Variants in FGD4 observed in about 807,000 individuals in gnomAD.
FGD4 encodes the protein FYVE, RhoGEF and PH domain containing 4.
FGD4 carries 42 observed loss-of-function variants against 102.0 expected under a neutral mutation model. The ratio of observed to expected loss-of-function variants is 0.41; its 90% CI spans 0.32 to 0.53. The LOEUF is 0.53. Ranked by LOEUF, FGD4 falls within the 20% of genes least tolerant of loss-of-function variation. The probability of loss-of-function intolerance (pLI) is 0.21; values close to 1 mark genes in which losing one functional copy is unlikely to be tolerated. For synonymous variants in FGD4, 380 were observed against 375.7 expected, an observed-to-expected ratio of 1.01 and a Z score of -0.13; for missense variants, 902 against 1,078.2, an observed-to-expected ratio of 0.84 and a Z score of 2.29.
At chr12:32,400,080 G>A (rs1230584973) in intron 1 of FGD4, 121 bp downstream of exon 1, 1 of 1,336,136 alleles carries the variant, frequency 7.5e-7, no homozygotes, top group Non-Finnish European at 9.7e-7. Flanking sequence ...TGGTTCGGGA[G>A]GTTCATTGTG....
intron 1 of FGD4, among the ~76,000 whole-genome samples, chr12:32,552,456 T>G (rs1240669207): frequency 1.5e-5 from 2 of 134,202 alleles, no homozygotes; most frequent in Admixed American, 7.5e-5. Context: ...TTTTTTTTTT[T>G]TTTGTAGTAG....
At chr12:32,527,019 G>C (rs1445028374) in intron 1 of FGD4, among the ~76,000 whole-genome samples, 1 of 152,050 alleles carries the variant, frequency 6.6e-6, no homozygotes, top group Non-Finnish European at 1.5e-5. Flanking sequence ...ATAGATTAAT[G>C]GTAAAGGGCA....
chr12:32,442,268 T>C (rs1942463978), intron 1 of FGD4, among the ~76,000 whole-genome samples: 2 of 152,110 alleles, frequency 1.3e-5, no homozygotes, highest in African/African-American at 4.8e-5. Context: ...TTAGCCATGA[T>C]GGTCTTGATC....
At chr12:32,496,458 T>C (rs534903884) in intron 1 of FGD4, among the ~76,000 whole-genome samples, 9 of 152,278 alleles carry the variant, frequency 5.9e-5, no homozygotes, top group African/African-American at 1.7e-4. Flanking sequence ...ACAACAAGAG[T>C]TAAAAGTCTT....
chr12:32,482,343 C>A (rs992236212), intron 1 of FGD4, among the ~76,000 whole-genome samples: 1 of 152,026 alleles, frequency 6.6e-6, no homozygotes, highest in Non-Finnish European at 1.5e-5. Context: ...TTTGAATATC[C>A]CATGCTTCTT....
At position 32,625,728 on chromosome 12, in the gene FGD4, AC is replaced by A; in HGVS notation, c.2123del (p.Pro708LeufsTer5). On this transcript the variant is annotated frameshift_variant, in exon 14 of 17. Coordinates refer to ENST00000534526, the MANE Select transcript of FGD4 (RefSeq NM_001370298.3). LOFTEE classifies it high-confidence loss of function. ...TGACAATGTGTATGAAATGTAAAGA[AC>A]CTTTCAATGCACTGACACGAAGGAG... ...EVTMCMKCKE[P>X]FNALTRRRHH... 1 of 1,614,080 alleles carries A rather than the reference AC, an allele frequency of 6.2e-7. No homozygotes were observed. The highest frequency in any genetic ancestry group is 1.1e-5 in the South Asian group (1 of 91,078).
intron 4 of FGD4, among the ~76,000 whole-genome samples, chr12:32,595,947 T>A (rs1333784071): frequency 1.3e-5 from 2 of 152,260 alleles, no homozygotes; most frequent in Admixed American, 6.5e-5. Context: ...AAGGATCTTG[T>A]GTGTAAAGTG....
At chr12:32,509,045 G>A (rs1169430754) in intron 1 of FGD4, among the ~76,000 whole-genome samples, 1 of 152,218 alleles carries the variant, frequency 6.6e-6, no homozygotes, top group Non-Finnish European at 1.5e-5. Flanking sequence ...CTATATGTCA[G>A]AGACTGCAAA....
At chr12:32,409,481 G>C (rs1393171121) in intron 1 of FGD4, among the ~76,000 whole-genome samples, 1 of 151,736 alleles carries the variant, frequency 6.6e-6, no homozygotes, top group Non-Finnish European at 1.5e-5. Context: ...TAGAGACGGG[G>C]TTTCACTGTT....
intron 1 of FGD4, among the ~76,000 whole-genome samples, chr12:32,425,174 A>G (rs989575412): frequency 6.6e-6 from 1 of 152,186 alleles, no homozygotes; most frequent in African/African-American, 2.4e-5. Flanking sequence ...GGTATTGCTT[A>G]GGTTTTCTTC....
chr12:32,627,162 CT>C (rs201386572), intron 14 of FGD4, among the ~76,000 whole-genome samples: 9 of 136,472 alleles, frequency 6.6e-5, no homozygotes, highest in East Asian at 2.3e-4. Flanking sequence ...CATTTTTTTT[CT>C]TTTTTTTTTG....
chr12:32,470,457 CTTTTTCTTTTTTTTTTT>C lies in FGD4; in HGVS notation c.166+70504_166+70520del, dbSNP rs528593820. Among the ~76,000 whole-genome samples the C allele has an allele frequency of 2.5e-3, 355 of 144,606 alleles. 2 individuals carry two copies. Among genetic ancestry groups the C allele is most frequent in the Non-Finnish European group, 2.2e-3 (145 of 65,740 alleles). 94.9% of individuals were successfully genotyped at this position (144,606 alleles called of 152,430 possible). On this transcript the variant is annotated intron_variant, in intron 1 of 16. Coordinates refer to ENST00000534526, the MANE Select transcript of FGD4 (RefSeq NM_001370298.3). ...TGACTGCTTCGAAGTTTTCTTTTTT[CTTTTTCTTTTTTTTTTT>C]TTTTTTTGAGTTGCAGTCTTGCTCT...
chr12:32,619,622 ACT>A lies in FGD4; in HGVS notation c.1750-73_1750-72del, dbSNP rs921854257. On this transcript the variant is annotated intron_variant, in intron 10 of 16. Coordinates refer to ENST00000534526, the MANE Select transcript of FGD4 (RefSeq NM_001370298.3). Reference sequence around the variant, plus strand: ...ACTCCAGCCTGGGCAACAGAGTGAGACTCTGTCTCAAAAAAAAACCTGATCAG... The same window carrying A: ...ACTCCAGCCTGGGCAACAGAGTGAGACTGTCTCAAAAAAAAACCTGATCAG... 3 of 1,521,094 alleles carry A rather than the reference ACT, an allele frequency of 2.0e-6. No individual in the cohort carries two copies. In the African/African-American group the frequency reaches 4.1e-5, roughly 21 times the overall value. The allele number at this position is 1,521,094 out of a possible 1,614,324, so 94.2% of individuals were successfully genotyped here.
chr12:32,518,816 A>C (rs901762861), intron 1 of FGD4, among the ~76,000 whole-genome samples: 30 of 148,172 alleles, frequency 2.0e-4, no homozygotes, highest in African/African-American at 7.3e-4. Context: ...TTCTTTACAA[A>C]AGAAAAAAAA....
intron 4 of FGD4, chr12:32,582,724 T>C (rs909708011): frequency 2.2e-5 from 11 of 505,110 alleles, no homozygotes; most frequent in Non-Finnish European, 3.2e-5. Context: ...AACTTTAATA[T>C]AGGAAATCCA....
intron 1 of FGD4, among the ~76,000 whole-genome samples, chr12:32,488,403 A>G (rs1426934228): frequency 1.3e-5 from 2 of 152,180 alleles, no homozygotes; most frequent in East Asian, 1.9e-4. Flanking sequence ...CTAGGGTAAT[A>G]TGATTATACG....
intron 1 of FGD4, among the ~76,000 whole-genome samples, chr12:32,489,617 A>G (rs1944023123): frequency 6.6e-6 from 1 of 152,198 alleles, no homozygotes; most frequent in South Asian, 2.1e-4. Context: ...AAAGGGGTTG[A>G]TGATTGATTC....
chr12:32,418,016 G>T (rs1467937169), intron 1 of FGD4, among the ~76,000 whole-genome samples: 1 of 147,184 alleles, frequency 6.8e-6, no homozygotes, highest in Non-Finnish European at 1.5e-5. Context: ...GAGTGCAGTG[G>T]CACAATCTCG....
chr12:32,469,121 C>T (rs1481781869), intron 1 of FGD4, among the ~76,000 whole-genome samples: 8 of 151,892 alleles, frequency 5.3e-5, no homozygotes, highest in South Asian at 4.2e-4. Flanking sequence ...CCATTGCGCC[C>T]GGCCTATTCT....
Sources: gnomAD v4.1 joint callset for allele counts (sites outside exome capture counted in the v4.1 genomes callset) on GRCh38, gnomAD v4.1.1 for gene constraint, MANE v1.5 for transcripts, NCBI Gene and HGNC (gene_info 2026-07-23, HGNC 2026-07-21) for gene names.